Variants in CDH12 observed in about 807,000 individuals in gnomAD.
The protein encoded by CDH12 is cadherin-12.
CDH12 carries 41 observed loss-of-function variants against 74.1 expected under a neutral mutation model. That is an observed-to-expected ratio of 0.55 (90% CI 0.43 to 0.72). The LOEUF (loss-of-function observed/expected upper bound fraction) is 0.72. Ranked by LOEUF, CDH12 falls within the 30% of genes least tolerant of loss-of-function variation. CDH12 has a pLI of 0.00. For synonymous variants in CDH12, 399 were observed against 355.0 expected, an observed-to-expected ratio of 1.12 and a Z score of -1.39; for missense variants, 945 against 977.2, an observed-to-expected ratio of 0.97 and a Z score of 0.44.
At chr5:22,396,107 G>A (rs182220431) in intron 3 of CDH12, among the ~76,000 whole-genome samples, 4 of 152,092 alleles carry the variant, frequency 2.6e-5, no homozygotes, top group African/African-American at 9.6e-5. Flanking sequence ...TTTTTAAGCT[G>A]GGATTTTTAT....
intron 3 of CDH12, among the ~76,000 whole-genome samples, chr5:22,262,221 A>C (rs1222867270): frequency 6.7e-6 from 1 of 148,732 alleles, no homozygotes; most frequent in Non-Finnish European, 1.5e-5. Context: ...GCACCCACTA[A>C]CTCGTCATCT....
intron 3 of CDH12, among the ~76,000 whole-genome samples, chr5:22,372,663 G>A (rs183111356): frequency 1.3e-5 from 2 of 152,216 alleles, no homozygotes; most frequent in African/African-American, 4.8e-5. Context: ...GATGCTTCGG[G>A]CTGTTGTGGC....
chr5:22,327,329 A>G (rs1739156886), intron 3 of CDH12, among the ~76,000 whole-genome samples: 1 of 152,112 alleles, frequency 6.6e-6, no homozygotes, highest in Non-Finnish European at 1.5e-5. Flanking sequence ...CATCAATTAA[A>G]ATGGTAATTT....
intron 3 of CDH12, among the ~76,000 whole-genome samples, chr5:22,272,103 C>CAAA (rs1736425837): frequency 6.6e-6 from 1 of 152,202 alleles, no homozygotes; most frequent in Non-Finnish European, 1.5e-5. Context: ...GTTTTGTTTA[C>CAAA]ACTGAAAATA....
At chr5:22,035,268 TAGC>T (rs1245939351) in intron 5 of CDH12, among the ~76,000 whole-genome samples, 2 of 152,128 alleles carry the variant, frequency 1.3e-5, no homozygotes, top group African/African-American at 4.8e-5. Flanking sequence ...CCTAATCAAG[TAGC>T]AGGATAAAGT....
chr5:21,883,037 T>C (rs1752440286), intron 6 of CDH12: 5 of 1,610,084 alleles, frequency 3.1e-6, no homozygotes, highest in Non-Finnish European at 4.2e-6. Context: ...TAGCTGTTGA[T>C]GCTGTAATTG....
chr5:22,747,920 A>C (rs1237089875), intron 1 of CDH12, among the ~76,000 whole-genome samples: 1 of 152,206 alleles, frequency 6.6e-6, no homozygotes, highest in African/African-American at 2.4e-5. Context: ...TGGTAATTCA[A>C]GAAATGCTAT....
intron 6 of CDH12, among the ~76,000 whole-genome samples, chr5:21,856,095 CAGG>C (rs1750741703): frequency 6.6e-6 from 1 of 151,592 alleles, no homozygotes; most frequent in Non-Finnish European, 1.5e-5. Flanking sequence ...ACTAGGAAGT[CAGG>C]AGTGAAGACT....
chr5:21,799,123 T>C (rs545519732), intron 10 of CDH12, among the ~76,000 whole-genome samples: 1 of 152,270 alleles, frequency 6.6e-6, no homozygotes, highest in African/African-American at 2.4e-5. Context: ...CATTCTGATA[T>C]GTTAACAGAG....
chr5:21,883,810 GT>G (rs1752487325), intron 6 of CDH12: 1 of 1,595,964 alleles, frequency 6.3e-7, no homozygotes, highest in Admixed American at 1.7e-5. Flanking sequence ...CTGAAGTTTG[GT>G]GGGACAAGTG....
At chr5:21,963,536 T>C (rs796947545) in intron 6 of CDH12, among the ~76,000 whole-genome samples, 6 of 152,208 alleles carry the variant, frequency 3.9e-5, no homozygotes, top group African/African-American at 1.4e-4. Flanking sequence ...ATGAAAAACT[T>C]GTACTTCTTG....
intron 6 of CDH12, among the ~76,000 whole-genome samples, chr5:21,946,748 C>CG (rs1755594849): frequency 6.6e-6 from 1 of 152,160 alleles, no homozygotes; most frequent in South Asian, 2.1e-4. Flanking sequence ...ACATTATAGT[C>CG]TAACATATTT....
intron 1 of CDH12, among the ~76,000 whole-genome samples, chr5:22,526,972 T>C (rs1201024590): frequency 1.3e-5 from 2 of 152,142 alleles, no homozygotes; most frequent in African/African-American, 2.4e-5. Context: ...CAGTTCCTAC[T>C]ATAAGGTGAA....
chr5:22,357,743 C>T (rs185588749), intron 3 of CDH12, among the ~76,000 whole-genome samples: 1 of 152,146 alleles, frequency 6.6e-6, no homozygotes, highest in Admixed American at 6.5e-5. Flanking sequence ...AAAAAATGAT[C>T]AATTTTTCCC....
chr5:22,314,033 A>G (rs1331761410), intron 3 of CDH12, among the ~76,000 whole-genome samples: 1 of 152,204 alleles, frequency 6.6e-6, no homozygotes, highest in Admixed American at 6.5e-5. Context: ...GACGGCAGAA[A>G]GTGGAAAGTA....
At chr5:21,999,204 ATAT>A (rs1204255540) in intron 5 of CDH12, among the ~76,000 whole-genome samples, 2 of 152,154 alleles carry the variant, frequency 1.3e-5, no homozygotes, top group African/African-American at 4.8e-5. Context: ...TAAGGTAGAC[ATAT>A]TATTCATCAT....
At chr5:22,274,634 TATATC>T (rs1190092239) in intron 3 of CDH12, among the ~76,000 whole-genome samples, 2 of 152,058 alleles carry the variant, frequency 1.3e-5, no homozygotes, top group African/African-American at 4.8e-5. Flanking sequence ...ATATTCATGA[TATATC>T]ATATTATATG....
At chr5:22,623,595 TC>T (rs1200222555) in intron 1 of CDH12, among the ~76,000 whole-genome samples, 1 of 152,158 alleles carries the variant, frequency 6.6e-6, no homozygotes, top group African/African-American at 2.4e-5. Context: ...TACCTAGGAA[TC>T]CAACTTACAA....
At chr5:22,347,852 A>G (rs777630716) in intron 3 of CDH12, among the ~76,000 whole-genome samples, 24 of 152,210 alleles carry the variant, frequency 1.6e-4, no homozygotes, top group Non-Finnish European at 4.4e-5. Flanking sequence ...CAGTGGAATC[A>G]GAATCTGTCT....
Sources: gnomAD v4.1 joint callset for allele counts (sites outside exome capture counted in the v4.1 genomes callset) on GRCh38, gnomAD v4.1.1 for gene constraint, MANE v1.5 for transcripts, NCBI Gene and HGNC (gene_info 2026-07-23, HGNC 2026-07-21) for gene names.